The following FANCC variants were observed in gnomAD, a reference collection of about 807,000 sequenced individuals.
FANCC encodes the protein FA complementation group C, also known as Fanconi anemia group C protein.
In FANCC, 55 loss-of-function variants were observed where a neutral mutation model predicts 71.3. That is an observed-to-expected ratio of 0.77 (90% confidence interval 0.62 to 0.97). The LOEUF (loss-of-function observed/expected upper bound fraction) is 0.97. Ranked by LOEUF, FANCC falls within the 50% of genes least tolerant of loss-of-function variation. The probability of loss-of-function intolerance (pLI) is 0.00; values close to 1 mark genes in which losing one functional copy is unlikely to be tolerated. For synonymous variants in FANCC, 275 were observed against 244.9 expected (o/e 1.12, Z -1.15); for missense variants, 678 against 670.9 (o/e 1.01, Z -0.12).
intron 1 of FANCC, among the ~76,000 whole-genome samples, chr9:95,305,057 C>T (rs949488737): frequency 2.6e-5 from 4 of 152,126 alleles, no homozygotes; most frequent in African/African-American, 9.7e-5. Context: ...CACTGAGGAT[C>T]GCTTACAAAC....
chr9:95,222,863 C>T (rs1829370017), intron 4 of FANCC, among the ~76,000 whole-genome samples: 1 of 152,070 alleles, frequency 6.6e-6, no homozygotes, highest in South Asian at 2.1e-4. Flanking sequence ...AAATTTTCAT[C>T]CAGCTTATTT....
chr9:95,154,577 GA>G (rs2135470806), intron 6 of FANCC, among the ~76,000 whole-genome samples: 1 of 152,276 alleles, frequency 6.6e-6, no homozygotes, highest in East Asian at 1.9e-4. Flanking sequence ...AATGAATGAA[GA>G]AAGCAAGTTG....
chr9:95,224,447 T>C (rs1010437845), intron 4 of FANCC, among the ~76,000 whole-genome samples: 2 of 151,976 alleles, frequency 1.3e-5, no homozygotes, highest in Admixed American at 6.6e-5. Context: ...AGATAATGCA[T>C]GCATAACACA....
At chr9:95,292,578 C>A in intron 1 of FANCC, 1 of 1,461,480 alleles carries the variant, frequency 6.8e-7, no homozygotes, top group Non-Finnish European at 9.5e-7. Context: ...GACCACATGG[C>A]CCAACATCCT....
In FANCC at chr9:95,302,826, C is replaced by T. The variant is rs1215357293; in HGVS notation, c.-79+14700G>A. Among the ~76,000 whole-genome samples, 3 of 152,340 alleles carry T rather than the reference C, an allele frequency of 2.0e-5. No homozygotes were observed. The East Asian group carries it at 5.8e-4, about 29-fold the overall frequency. On this transcript the variant is annotated intron_variant, in intron 1 of 14. Coordinates refer to ENST00000289081, the MANE Select transcript of FANCC (RefSeq NM_000136.3). ...AAAAACAGCTCTTCTAAGGGCCATACTGCAGAAGCATGGCCAAATGAATAG... is the reference window on the plus strand; with the variant it reads ...AAAAACAGCTCTTCTAAGGGCCATATTGCAGAAGCATGGCCAAATGAATAG...
At chr9:95,108,338 T>G (rs528090059) in intron 13 of FANCC, among the ~76,000 whole-genome samples, 2 of 152,308 alleles carry the variant, frequency 1.3e-5, no homozygotes, top group South Asian at 4.2e-4. Flanking sequence ...CGGCCCAGCC[T>G]GCCGGGTCTG....
chr9:95,239,781 AAAAC>A (rs1163246836), intron 4 of FANCC, among the ~76,000 whole-genome samples: 2 of 152,230 alleles, frequency 1.3e-5, no homozygotes, highest in African/African-American at 4.8e-5. Flanking sequence ...AATTTTGTCT[AAAAC>A]AAAGAAATCG....
At chr9:95,122,791 G>A (rs73528484) in intron 10 of FANCC, among the ~76,000 whole-genome samples, 3,445 of 152,296 alleles carry the variant, frequency 0.023, 141 homozygotes, top group African/African-American at 0.079. Context: ...GGCCACAGGT[G>A]AGACTCCCCA....
intron 8 of FANCC, among the ~76,000 whole-genome samples, chr9:95,134,880 AG>A (rs1827441086): frequency 1.3e-5 from 2 of 152,250 alleles, no homozygotes; most frequent in South Asian, 4.1e-4. Context: ...TCACACCAAA[AG>A]AAAACTTACA....
At chr9:95,248,768 T>A (rs1831152428) in intron 2 of FANCC, among the ~76,000 whole-genome samples, 1 of 152,060 alleles carries the variant, frequency 6.6e-6, no homozygotes, top group African/African-American at 2.4e-5. Context: ...GACAGCCCAC[T>A]TGACAAGAGG....
intron 10 of FANCC, among the ~76,000 whole-genome samples, chr9:95,121,924 C>T (rs2072916841): frequency 6.7e-6 from 1 of 149,890 alleles, no homozygotes; most frequent in African/African-American, 2.5e-5. Flanking sequence ...GTGGCGCAAT[C>T]TCAGCTCACT....
intron 4 of FANCC, among the ~76,000 whole-genome samples, chr9:95,175,645 T>G (rs753964405): frequency 4.6e-5 from 7 of 152,212 alleles, no homozygotes; most frequent in Non-Finnish European, 1.0e-4. Flanking sequence ...CAAGCCAGCG[T>G]GCCATCTGTG....
At chr9:95,131,914 C>G (rs1191796355) in intron 8 of FANCC, among the ~76,000 whole-genome samples, 1 of 152,128 alleles carries the variant, frequency 6.6e-6, no homozygotes, top group African/African-American at 2.4e-5. Flanking sequence ...AAAAACACAA[C>G]CTATCCCATA....
At chr9:95,154,245 CAAAAAAA>C (rs58720791) in intron 6 of FANCC, among the ~76,000 whole-genome samples, 5 of 49,946 alleles carry the variant, frequency 1.0e-4, no homozygotes, top group Admixed American at 5.7e-4. Context: ...GACTCCGTCT[CAAAAAAA>C]AAAAAAAAAA....
intron 1 of FANCC, among the ~76,000 whole-genome samples, chr9:95,280,580 CA>C (rs1351538208): frequency 1.3e-5 from 2 of 151,792 alleles, no homozygotes; most frequent in South Asian, 2.1e-4. Flanking sequence ...GCTCTGATGA[CA>C]AAAAAAGCAA....
At chr9:95,106,624 T>C (rs1375103507) in intron 14 of FANCC, among the ~76,000 whole-genome samples, 1 of 152,234 alleles carries the variant, frequency 6.6e-6, no homozygotes, top group African/African-American at 2.4e-5. Flanking sequence ...AGGATTTCTT[T>C]GTAATAAACC....
At chr9:95,274,181 CACCCCCTGACAG>C (rs1057441629) in intron 1 of FANCC, among the ~76,000 whole-genome samples, 1 of 152,054 alleles carries the variant, frequency 6.6e-6, no homozygotes, top group African/African-American at 2.4e-5. Context: ...CCAAATCCCT[CACCCCCTGACAG>C]ACCCTGGTGT....
intron 11 of FANCC, among the ~76,000 whole-genome samples, chr9:95,117,086 G>GT (rs904039690): frequency 8.5e-5 from 13 of 152,280 alleles, no homozygotes; most frequent in African/African-American, 2.9e-4. Flanking sequence ...AGAGGCCATT[G>GT]TTTTTTTGTT....
At chr9:95,240,038 CT>C (rs1272480556) in intron 4 of FANCC, among the ~76,000 whole-genome samples, 1 of 152,188 alleles carries the variant, frequency 6.6e-6, no homozygotes, top group African/African-American at 2.4e-5. Context: ...ACATCTCTAC[CT>C]TATGCCTACC....
Sources: gnomAD v4.1 joint callset for allele counts (sites outside exome capture counted in the v4.1 genomes callset) on GRCh38, gnomAD v4.1.1 for gene constraint, MANE v1.5 for transcripts, NCBI Gene and HGNC (gene_info 2026-07-23, HGNC 2026-07-21) for gene names.